KCNJ6: variants seen among roughly 807,000 people sequenced by gnomAD.
KCNJ6 encodes the protein potassium inwardly rectifying channel subfamily J member 6.
Under a neutral mutation model 34.2 loss-of-function variants are expected in KCNJ6, and 9 were observed. The ratio of observed to expected loss-of-function variants is 0.26; its 90% CI spans 0.16 to 0.46. The LOEUF (loss-of-function observed/expected upper bound fraction) is 0.46. Ranked by LOEUF, KCNJ6 falls within the 20% of genes least tolerant of loss-of-function variation. KCNJ6 has a pLI of 1.00. For missense variants in KCNJ6, 236 were observed against 531.3 expected (o/e 0.44, Z 5.46); for synonymous variants, 196 against 207.1 (o/e 0.95, Z 0.46).
intron 3 of KCNJ6, among the ~76,000 whole-genome samples, chr21:37,644,696 T>A (rs2054395785): frequency 6.6e-6 from 1 of 152,256 alleles, no homozygotes; most frequent in Non-Finnish European, 1.5e-5. Context: ...TGCCTTTTCA[T>A]AATTGTTTAC....
At chr21:37,647,820 G>A (rs2054412704) in intron 3 of KCNJ6, among the ~76,000 whole-genome samples, 1 of 152,196 alleles carries the variant, frequency 6.6e-6, no homozygotes, top group South Asian at 2.1e-4. Context: ...CAATGACATG[G>A]TGTGGCCCCG....
chr21:37,792,547 G>A (rs2055221785), intron 2 of KCNJ6, among the ~76,000 whole-genome samples: 1 of 152,230 alleles, frequency 6.6e-6, no homozygotes, highest in African/African-American at 2.4e-5. Context: ...AGGAGAGGAA[G>A]TAGAGGGAGC....
intron 3 of KCNJ6, among the ~76,000 whole-genome samples, chr21:37,687,235 C>T (rs553094656): frequency 6.6e-6 from 1 of 152,178 alleles, no homozygotes; most frequent in South Asian, 2.1e-4. Context: ...AGCGTCCCAG[C>T]CGGTATCTCA....
intron 2 of KCNJ6, among the ~76,000 whole-genome samples, chr21:37,748,703 T>G (rs2054979708): frequency 6.6e-6 from 1 of 152,236 alleles, no homozygotes; most frequent in African/African-American, 2.4e-5. Flanking sequence ...TTGTGGAGGT[T>G]TGACAGCTGC....
chr21:37,874,185 G>A (rs1193158985), intron 1 of KCNJ6, among the ~76,000 whole-genome samples: 1 of 152,158 alleles, frequency 6.6e-6, no homozygotes, highest in Non-Finnish European at 1.5e-5. Context: ...CATCACTGGG[G>A]GAGGAGGCCT....
chr21:37,769,053 T>C (rs2055104900), intron 2 of KCNJ6, among the ~76,000 whole-genome samples: 1 of 152,182 alleles, frequency 6.6e-6, no homozygotes, highest in Non-Finnish European at 1.5e-5. Flanking sequence ...GGTAACTGAT[T>C]GAACCAGTTG....
intron 3 of KCNJ6, among the ~76,000 whole-genome samples, chr21:37,693,224 T>C (rs773437933): frequency 8.0e-5 from 12 of 149,212 alleles, no homozygotes; most frequent in Non-Finnish European, 1.5e-4. Flanking sequence ...AAGGTAGAAC[T>C]GATGTTTTAG....
chr21:37,900,134 G>A (rs2055809414), intron 1 of KCNJ6, among the ~76,000 whole-genome samples: 1 of 152,128 alleles, frequency 6.6e-6, no homozygotes, highest in Admixed American at 6.6e-5. Flanking sequence ...TGTAACAAAA[G>A]CTTTCAAAAA....
chr21:37,814,612 A>G (rs1262327823), intron 2 of KCNJ6, among the ~76,000 whole-genome samples: 1 of 152,184 alleles, frequency 6.6e-6, no homozygotes, highest in African/African-American at 2.4e-5. Flanking sequence ...AAAAAGAATG[A>G]GATCGGCCAA....
In KCNJ6 at chr21:37,607,482, A is replaced by ATATATATTTTTTTTT; in HGVS notation, c.*17676_*17677insAAAAAAAAATATATA. 1.5e-5 allele frequency: 2 copies of ATATATATTTTTTTTT among 136,758 alleles called. No homozygotes were observed. The highest frequency in any genetic ancestry group is 2.4e-4 in the South Asian group (1 of 4,178). 8.5% of individuals were successfully genotyped at this position (136,758 alleles called of 1,614,324 possible). On this transcript the variant is annotated 3_prime_UTR_variant, in exon 4 of 4. Transcript: ENST00000609713. ...CTTAAAGATATATATATATATATAT[A>ATATATATTTTTTTTT]TTTTTTTTTTATTTTAAAAAAATTT...
At chr21:37,761,608 TGTA>T (rs1020524260) in intron 2 of KCNJ6, among the ~76,000 whole-genome samples, 5 of 150,048 alleles carry the variant, frequency 3.3e-5, no homozygotes, top group Non-Finnish European at 7.4e-5. Context: ...GTTGTGTGTA[TGTA>T]GTATTTGTGT....
Position 37,609,861 on chromosome 21 carries a change from G to T in KCNJ6, c.*15298C>A, listed in dbSNP as rs2054236718. The T allele has an allele frequency of 6.6e-6, 1 of 152,152 alleles. No homozygotes were observed. The highest frequency in any genetic ancestry group is 2.1e-4 in the South Asian group (1 of 4,820). The allele number at this position is 152,152 out of a possible 1,614,324, so 9.4% of individuals were successfully genotyped here. A position where few individuals can be genotyped will look rare whatever the true frequency, so the allele number is the denominator to read the frequency against. On this transcript the variant is annotated 3_prime_UTR_variant, in exon 4 of 4. Transcript: ENST00000609713. ...CTCATGGATGAGCTGGCGAGATGCAGCCTCACATTTATTTTCTATCAATGA... is the reference window on the plus strand; with the variant it reads ...CTCATGGATGAGCTGGCGAGATGCATCCTCACATTTATTTTCTATCAATGA...
intron 1 of KCNJ6, among the ~76,000 whole-genome samples, chr21:37,857,409 G>C (rs1162680693): frequency 6.6e-6 from 1 of 152,188 alleles, no homozygotes; most frequent in Non-Finnish European, 1.5e-5. Context: ...GGCTATGAGA[G>C]CCTTCCTGGA....
rs1422112507 is a variant in KCNJ6, at chr21:37,630,478, ATTG to A, written c.947-4997_947-4995del. 2.0e-5 allele frequency among the ~76,000 whole-genome samples: 3 copies of A among 152,152 alleles called. No individual in the cohort carries two copies. The East Asian group carries it at 5.8e-4, about 29-fold the overall frequency. On this transcript the variant is annotated intron_variant, in intron 3 of 3. Coordinates refer to ENST00000609713, the MANE Select transcript of KCNJ6 (RefSeq NM_002240.5). Reference sequence around the variant, plus strand: ...GGGAACTATACAGAAACAGCTTAATATTGTTCGTTGGCCATGTCTGAATTTATT... The same window carrying A: ...GGGAACTATACAGAAACAGCTTAATATTCGTTGGCCATGTCTGAATTTATT...
intron 2 of KCNJ6, among the ~76,000 whole-genome samples, chr21:37,788,894 A>G (rs1207487323): frequency 6.6e-6 from 1 of 152,226 alleles, no homozygotes; most frequent in African/African-American, 2.4e-5. Flanking sequence ...CAGCAAAAGT[A>G]ACTAACAGTA....
intron 3 of KCNJ6, among the ~76,000 whole-genome samples, chr21:37,680,190 T>C (rs1017531087): frequency 3.3e-5 from 5 of 152,214 alleles, no homozygotes; most frequent in Non-Finnish European, 5.9e-5. Flanking sequence ...TATTTACTCA[T>C]TTTTTACCTT....
In KCNJ6 at chr21:37,624,862, A is replaced by T; in HGVS notation, c.*297T>A. 1 of 422,540 alleles carries T rather than the reference A, an allele frequency of 2.4e-6. No individual in the cohort carries two copies. Among genetic ancestry groups the T allele is most frequent in the Non-Finnish European group, 4.3e-6 (1 of 234,878 alleles). 26.2% of individuals were successfully genotyped at this position (422,540 alleles called of 1,614,324 possible). On this transcript the variant is annotated 3_prime_UTR_variant, in exon 4 of 4. Coordinates refer to ENST00000609713, the MANE Select transcript of KCNJ6 (RefSeq NM_002240.5). The stretch of plus-strand genomic sequence containing the variant: ...TGATCTGGTATTGTACAACACATGC[A>T]GGTAAGTAACTGAAATCTCCAGGAG...
intron 2 of KCNJ6, among the ~76,000 whole-genome samples, chr21:37,793,199 G>A (rs546927267): frequency 1.3e-5 from 2 of 152,286 alleles, no homozygotes; most frequent in Admixed American, 1.3e-4. Flanking sequence ...TAACAGCTCT[G>A]TCTTTTTGAA....
chr21:37,715,134 G>GGACGTTA lies in KCNJ6; in HGVS notation c.26-4_26-3insTAACGTC. On this transcript the variant is annotated splice_polypyrimidine_tract_variant and splice_region_variant and intron_variant, in intron 2 of 3. Transcript: ENST00000609713. ...GGAGTCGCCCTCCAGGACGTTAGCT[G>GGACGTTA]GTGGTTTGGAGAAAAGAAAAGAAAC... 6.2e-7 allele frequency: 1 copy of GGACGTTA among 1,605,150 alleles called. No homozygotes were observed. The highest frequency in any genetic ancestry group is 8.5e-7 in the Non-Finnish European group (1 of 1,175,790).
Sources: gnomAD v4.1 joint callset for allele counts (sites outside exome capture counted in the v4.1 genomes callset) on GRCh38, gnomAD v4.1.1 for gene constraint, MANE v1.5 for transcripts, NCBI Gene and HGNC (gene_info 2026-07-23, HGNC 2026-07-21) for gene names.